The following PIK3CD variants were observed in gnomAD, a reference collection of about 807,000 sequenced individuals.
The protein encoded by PIK3CD is phosphatidylinositol-4,5-bisphosphate 3-kinase catalytic subunit delta, also known as phosphatidylinositol 4,5-bisphosphate 3-kinase catalytic subunit delta isoform.
PIK3CD carries 20 observed loss-of-function variants against 122.9 expected under a neutral mutation model. The ratio of observed to expected loss-of-function variants is 0.16; its 90% CI spans 0.11 to 0.24. The LOEUF (loss-of-function observed/expected upper bound fraction) is 0.24, where lower values mean the gene tolerates loss of function less well. PIK3CD is among the 10% of genes least tolerant of loss of function. The pLI is 1.00. For synonymous variants in PIK3CD, 596 were observed against 593.4 expected, an observed-to-expected ratio of 1.00 and a Z score of -0.06; for missense variants, 787 against 1,406.3, an observed-to-expected ratio of 0.56 and a Z score of 7.04.
Position 9,724,780 on chromosome 1 carries a change from ACTT to A in PIK3CD, c.2865-22_2865-20del. On this transcript the variant is annotated intron_variant, in intron 22 of 23. Transcript: ENST00000377346. This position sits in a 1 kb window ranked among gnomAD's most constrained non-coding sequence, Gnocchi z 7.3. Reference sequence around the variant, plus strand: ...TGTGGCTGGGAGTTCCCAGAGCCTCACTTCCTCTGTCCCCTACCTGCAGGTTCC... The same window carrying A: ...TGTGGCTGGGAGTTCCCAGAGCCTCACCTCTGTCCCCTACCTGCAGGTTCC... 1.2e-6 allele frequency: 2 copies of A among 1,611,930 alleles called. No homozygotes were observed. Among genetic ancestry groups the A allele is most frequent in the Non-Finnish European group, 1.7e-6 (2 of 1,179,986 alleles).
At position 9,715,757 on chromosome 1, in the gene PIK3CD, C is replaced by A; in HGVS notation, c.358C>A (p.Leu120Ile). The change falls in exon 4 of 24, where the codon CTC becomes ATC. Residue 120 changes from leucine (L) to isoleucine (I), a missense_variant. Physicochemically the swap from Leu to Ile is conservative, Grantham distance 5. Coordinates refer to ENST00000377346, the MANE Select transcript of PIK3CD (RefSeq NM_005026.5). The surrounding 1 kb of genome is among the most constrained non-coding windows in gnomAD (Gnocchi z 4.1). ...KKLINSQISL[L>I]IGKGLHEFDS... is the part of the protein sequence containing the mutation. ...GCTCATCAACTCACAGATCAGCCTCCTCATCGGCAAAGGTAGCTCTGCCGA... is the reference window on the plus strand; with the variant it reads ...GCTCATCAACTCACAGATCAGCCTCATCATCGGCAAAGGTAGCTCTGCCGA... 1.2e-6 allele frequency: 2 copies of A among 1,613,266 alleles called. No individual in the cohort carries two copies. The highest frequency in any genetic ancestry group is 1.7e-6 in the Non-Finnish European group (2 of 1,179,984).
At chr1:9,697,960 C>T (rs774736039) in intron 2 of PIK3CD, among the ~76,000 whole-genome samples, 4 of 151,670 alleles carry the variant, frequency 2.6e-5, no homozygotes, top group African/African-American at 9.7e-5. Context: ...GAGCCTGGGA[C>T]GTGGAGGTTG....
Position 9,720,888 on chromosome 1 carries a change from CAAGCATG to C in PIK3CD, c.1670_1676del (p.Lys557ArgfsTer19). 6.2e-7 allele frequency: 1 copy of C among 1,600,740 alleles called. No homozygotes were observed. The highest frequency in any genetic ancestry group is 8.5e-7 in the Non-Finnish European group (1 of 1,173,932). Reference sequence around the variant, plus strand: ...GGCTGCTGCTGGTCACCAAGTGGAACAAGCATGAGGATGTGGCCCAGGTGGGTGGGGA... The same window carrying C: ...GGCTGCTGCTGGTCACCAAGTGGAACAGGATGTGGCCCAGGTGGGTGGGGA... On this transcript the variant is annotated frameshift_variant, in exon 13 of 24. Transcript: ENST00000377346. LOFTEE classifies it high-confidence loss of function. The surrounding 1 kb of genome is among the most constrained non-coding windows in gnomAD (Gnocchi z 9.0).
At chr1:9,654,321 G>A (rs1644773650) in intron 1 of PIK3CD, 1 of 1,367,646 alleles carries the variant, frequency 7.3e-7, no homozygotes, top group Non-Finnish European at 9.8e-7. Flanking sequence ...CCAGGTCTTT[G>A]CACTAAGCTG....
chr1:9,723,521 AAC>A lies in PIK3CD; in HGVS notation c.2594+231_2594+232del, dbSNP rs1491061116. ...CCATCCAAAGCGCAGGGCTTTAAAA[AAC>A]AGCCATTTACGATTGGCTCACAGAT... On this transcript the variant is annotated intron_variant, in intron 20 of 23. Transcript: ENST00000377346. This position sits in a 1 kb window ranked among gnomAD's most constrained non-coding sequence, Gnocchi z 4.9. Among the ~76,000 whole-genome samples the A allele has an allele frequency of 6.6e-6, 1 of 152,210 alleles. No individual in the cohort carries two copies. The highest frequency in any genetic ancestry group is 6.5e-5 in the Admixed American group (1 of 15,280).
chr1:9,690,586 A>G (rs887530029), intron 1 of PIK3CD, among the ~76,000 whole-genome samples: 3 of 152,054 alleles, frequency 2.0e-5, no homozygotes, highest in African/African-American at 7.2e-5. Context: ...GAGGGAAGGG[A>G]GCATCCGAGC....
At chr1:9,705,387 C>G (rs969176655) in intron 2 of PIK3CD, among the ~76,000 whole-genome samples, 2 of 150,178 alleles carry the variant, frequency 1.3e-5, no homozygotes, top group Non-Finnish European at 3.0e-5. Context: ...GTCCCAGCTA[C>G]CTGGGAGCCT....
At chr1:9,668,391 A>C (rs1162628585) in intron 1 of PIK3CD, among the ~76,000 whole-genome samples, 2 of 150,384 alleles carry the variant, frequency 1.3e-5, no homozygotes. Flanking sequence ...TAGATAATGA[A>C]CATCACCTTC....
At chr1:9,649,196 T>C (rs766865525), upstream of PIK3CD, among the ~76,000 whole-genome samples, 6 of 152,050 alleles carry the variant, frequency 3.9e-5, no homozygotes, top group Non-Finnish European at 8.8e-5. Flanking sequence ...TCCCCTTTCC[T>C]GGCTGGAATA....
intron 2 of PIK3CD, among the ~76,000 whole-genome samples, chr1:9,696,073 G>C (rs1168743259): frequency 6.6e-6 from 1 of 151,188 alleles, no homozygotes; most frequent in Non-Finnish European, 1.5e-5. Context: ...CTAGGCTCAA[G>C]CAATCCTCCT....
At chr1:9,701,356 C>T (rs767427101) in intron 2 of PIK3CD, among the ~76,000 whole-genome samples, 16 of 152,086 alleles carry the variant, frequency 1.1e-4, no homozygotes, top group Non-Finnish European at 1.8e-4. Flanking sequence ...GAATCTACCT[C>T]GGACTGAATG....
chr1:9,726,319 T>C (rs532174484), intron 23 of PIK3CD, among the ~76,000 whole-genome samples: 14 of 151,926 alleles, frequency 9.2e-5, no homozygotes, highest in South Asian at 4.2e-4. Flanking sequence ...CCATCCTGGC[T>C]AACACGGTGA....
rs1006069009 is a variant in PIK3CD at position 9,700,569 on chromosome 1, G to A, written c.-33+8998G>A. Among the ~76,000 whole-genome samples the A allele has an allele frequency of 1.3e-5, 2 of 152,074 alleles. No homozygotes were observed. Among genetic ancestry groups the A allele is most frequent in the African/African-American group, 2.4e-5 (1 of 41,400 alleles). On this transcript the variant is annotated intron_variant, in intron 2 of 23. Coordinates refer to ENST00000377346, the MANE Select transcript of PIK3CD (RefSeq NM_005026.5). This position sits in a 1 kb window ranked among gnomAD's most constrained non-coding sequence, Gnocchi z 5.1. ...AGTAAGTGAGGAGGGATTGGTCACC[G>A]TCCATCACTGGGTGACGCGACCCCA...
At chr1:9,647,681 T>C (rs1244543032), upstream of PIK3CD, among the ~76,000 whole-genome samples, 2 of 152,002 alleles carry the variant, frequency 1.3e-5, no homozygotes, top group East Asian at 1.9e-4. Context: ...TAATGTTTTA[T>C]TTTTTGTAAA....
intron 23 of PIK3CD, among the ~76,000 whole-genome samples, chr1:9,725,577 TA>T (rs1042813472): frequency 1.4e-5 from 2 of 142,766 alleles, no homozygotes; most frequent in African/African-American, 2.6e-5. Context: ...AAATAAATAA[TA>T]AAAAAAGATA....
intron 2 of PIK3CD, among the ~76,000 whole-genome samples, chr1:9,694,195 A>G (rs1646313378): frequency 1.3e-5 from 2 of 152,216 alleles, no homozygotes; most frequent in Non-Finnish European, 2.9e-5. Flanking sequence ...TCTCACGAGA[A>G]AAATAACTGT....
At chr1:9,639,930 C>T in the PIK3CD span, among the ~76,000 whole-genome samples, 5 of 151,826 alleles carry the variant, frequency 3.3e-5, no homozygotes, top group East Asian at 3.9e-4. Context: ...TTAGTGGAGA[C>T]GAGGGCTCAC....
intron 1 of PIK3CD, among the ~76,000 whole-genome samples, chr1:9,663,532 T>C (rs904957703): frequency 6.6e-6 from 1 of 152,320 alleles, no homozygotes. Flanking sequence ...GCTCTTCTGG[T>C]GGGCATTAAG....
At position 9,716,052 on chromosome 1, in the gene PIK3CD, G is replaced by A. The variant is rs1180364983; in HGVS notation, c.574G>A (p.Val192Ile). 2 of 1,612,550 alleles carry A rather than the reference G, an allele frequency of 1.2e-6. No homozygotes were observed. The highest frequency in any genetic ancestry group is 1.7e-6 in the Non-Finnish European group (2 of 1,179,914). Reference protein sequence around the residue: ...TLRLPNRALLVNVKFEGSEES... With the variant: ...TLRLPNRALLINVKFEGSEES... Reference sequence around the variant, plus strand: ...GCGGCTCCCGAACCGGGCCCTTCTGGTCAACGTTAAGTTTGAGGGCAGCGA... The same window carrying A: ...GCGGCTCCCGAACCGGGCCCTTCTGATCAACGTTAAGTTTGAGGGCAGCGA... Residue 192 changes from valine (V) to isoleucine (I), a missense_variant, in exon 5 of 24, where the codon GTC (valine) becomes ATC (isoleucine). Coordinates refer to ENST00000377346, the MANE Select transcript of PIK3CD (RefSeq NM_005026.5).
Sources: gnomAD v4.1 joint callset for allele counts (sites outside exome capture counted in the v4.1 genomes callset) on GRCh38, gnomAD v4.1.1 for gene constraint, Gnocchi (gnomAD v3.1) non-coding constraint, MANE v1.5 for transcripts, NCBI Gene and HGNC (gene_info 2026-07-23, HGNC 2026-07-21) for gene names.